Variants in AMZ2 observed in about 807,000 individuals in gnomAD.
AMZ2 encodes archaemetzincin-2.
AMZ2 carries 26 observed loss-of-function variants against 36.7 expected under a neutral mutation model. That is an observed-to-expected ratio of 0.71 (90% confidence interval 0.52 to 0.98). The LOEUF (loss-of-function observed/expected upper bound fraction) is 0.98, where lower values mean the gene tolerates loss of function less well. Ranked by LOEUF, AMZ2 falls within the 50% of genes least tolerant of loss-of-function variation. The pLI is 0.00. For missense variants in AMZ2, 394 were observed against 430.5 expected, an observed-to-expected ratio of 0.92 and a Z score of 0.75; for synonymous variants, 144 against 149.1, an observed-to-expected ratio of 0.97 and a Z score of 0.25.
At position 68,250,203 on chromosome 17, in the gene AMZ2, C is replaced by T; in HGVS notation, c.16C>T (p.His6Tyr). Residue 6 changes from histidine to tyrosine, a missense_variant, in exon 2 of 7, where the codon CAC (histidine) becomes TAC (tyrosine). By Grantham distance (83) the His-to-Tyr change is moderately conservative. Transcript: ENST00000359904. MQIIR[H>Y]SEQTLKTALI... ...TTTTTGTTAGATGCAAATAATACGG[C>T]ACTCCGAACAGACACTAAAAACAGC... The T allele has an allele frequency of 6.2e-7, 1 of 1,612,714 alleles. No individual in the cohort carries two copies. The highest frequency in any genetic ancestry group is 1.1e-5 in the South Asian group (1 of 90,920).
At chr17:68,216,749 G>T (rs2073203940) in intron 1 of AMZ2, among the ~76,000 whole-genome samples, 3 of 152,130 alleles carry the variant, frequency 2.0e-5, no homozygotes, top group Non-Finnish European at 4.4e-5. Context: ...GAAATCTTTA[G>T]GCCGGGCACG....
At chr17:68,236,677 T>G (rs1364145944) in intron 1 of AMZ2, among the ~76,000 whole-genome samples, 2 of 151,314 alleles carry the variant, frequency 1.3e-5, no homozygotes, top group African/African-American at 4.9e-5. Context: ...GCTCAGGTGA[T>G]TCTCCTGCCT....
intron 1 of AMZ2, among the ~76,000 whole-genome samples, chr17:68,232,473 G>C (rs1375245199): frequency 6.8e-6 from 1 of 147,422 alleles, no homozygotes; most frequent in Non-Finnish European, 1.5e-5. Flanking sequence ...TCGAGCCTGG[G>C]TGACAGAACA....
chr17:68,218,931 T>G (rs1555727911), intron 1 of AMZ2, among the ~76,000 whole-genome samples: 1 of 152,226 alleles, frequency 6.6e-6, no homozygotes, highest in Non-Finnish European at 1.5e-5. Flanking sequence ...TCATCTCGAT[T>G]AGACTAGTCG....
At chr17:68,208,002 CCAG>C (rs1463795330) in intron 1 of AMZ2, among the ~76,000 whole-genome samples, 71 of 152,284 alleles carry the variant, frequency 4.7e-4, no homozygotes, top group Non-Finnish European at 6.2e-4. Flanking sequence ...AGCACCTGGG[CCAG>C]CAGCTGCTGT....
In AMZ2 at chr17:68,231,749, C is replaced by G. The variant is rs569466462; in HGVS notation, c.-66-16891C>G. The stretch of plus-strand genomic sequence containing the variant: ...TAGGTTACATGAGCAATCATGAGGT[C>G]ACCACCACCTCCACCAATTTGGAAA... On this transcript the variant is annotated intron_variant, in intron 1 of 7. Transcript: ENST00000674770. Among the ~76,000 whole-genome samples, 18 of 152,272 alleles carry G rather than the reference C, an allele frequency of 1.2e-4. No homozygotes were observed. The East Asian group carries it at 3.1e-3, about 26-fold the overall frequency.
chr17:68,219,543 A>G (rs2073291955), intron 1 of AMZ2, among the ~76,000 whole-genome samples: 2 of 150,944 alleles, frequency 1.3e-5, no homozygotes, highest in Non-Finnish European at 3.0e-5. Context: ...TATTACTATT[A>G]TTTATTGAGA....
chr17:68,231,833 A>G (rs2089231234), intron 1 of AMZ2, among the ~76,000 whole-genome samples: 1 of 152,216 alleles, frequency 6.6e-6, no homozygotes, highest in South Asian at 2.1e-4. Flanking sequence ...ATAAAAATAC[A>G]GGGTGCTTAG....
chr17:68,245,514 A>G (rs1410471396), upstream of AMZ2, among the ~76,000 whole-genome samples: 1 of 151,780 alleles, frequency 6.6e-6, no homozygotes, highest in Non-Finnish European at 1.5e-5. Context: ...TCAGCCTCCC[A>G]AAGTGCTGGG....
At chr17:68,246,217 AATT>A (rs1555735365), upstream of AMZ2, among the ~76,000 whole-genome samples, 3 of 148,900 alleles carry the variant, frequency 2.0e-5, no homozygotes, top group Non-Finnish European at 3.0e-5. Flanking sequence ...AAAAAAAAAA[AATT>A]AGCCGGGCGT....
At chr17:68,219,173 G>A (rs1229366364) in intron 1 of AMZ2, among the ~76,000 whole-genome samples, 3 of 152,056 alleles carry the variant, frequency 2.0e-5, no homozygotes, top group African/African-American at 7.2e-5. Flanking sequence ...CACCATGTTG[G>A]CCAGGCTGGT....
upstream of AMZ2, chr17:68,248,027 GGGCGT>G (rs1178564541): frequency 1.0e-6 from 1 of 986,510 alleles, no homozygotes; most frequent in East Asian, 1.1e-4. Flanking sequence ...TGGCGCCAGT[GGGCGT>G]GGCGTGGCGC....
intron 1 of AMZ2, among the ~76,000 whole-genome samples, chr17:68,217,831 G>A (rs6501242): frequency 0.44 from 45,784 of 104,856 alleles, 7,197 homozygotes; most frequent in African/African-American, 0.47. Context: ...TTTTTTTTTT[G>A]AGATGGAGGC....
intron 1 of AMZ2, among the ~76,000 whole-genome samples, chr17:68,229,527 T>C (rs2073607763): frequency 6.6e-6 from 1 of 152,208 alleles, no homozygotes; most frequent in African/African-American, 2.4e-5. Flanking sequence ...GAGATTTTAT[T>C]ACCTATGGCT....
intron 1 of AMZ2, among the ~76,000 whole-genome samples, chr17:68,225,504 G>T (rs1349998422): frequency 6.6e-6 from 1 of 152,112 alleles, no homozygotes; most frequent in Non-Finnish European, 1.5e-5. Flanking sequence ...TGTGTATTTT[G>T]ATTTTTAATT....
chr17:68,248,042 C>G (rs1301196453), upstream of AMZ2: 1 of 986,462 alleles, frequency 1.0e-6, no homozygotes, highest in Non-Finnish European at 1.2e-6. Flanking sequence ...TGGCGTGGCG[C>G]AGTGCGAAGG....
At chr17:68,247,807 G>A (rs1555736315), upstream of AMZ2, 7 of 985,462 alleles carry the variant, frequency 7.1e-6, no homozygotes, top group East Asian at 1.1e-4. Flanking sequence ...GCGCAAGCGA[G>A]GAATCGGCGA....
At chr17:68,211,454 G>C (rs2144481040) in intron 1 of AMZ2, among the ~76,000 whole-genome samples, 1 of 149,574 alleles carries the variant, frequency 6.7e-6, no homozygotes, top group South Asian at 2.1e-4. Flanking sequence ...AGTGAGCCAA[G>C]ATTACACCAC....
At chr17:68,251,817 C>T (rs1568379802) in intron 4 of AMZ2, among the ~76,000 whole-genome samples, 1 of 152,182 alleles carries the variant, frequency 6.6e-6, no homozygotes, top group East Asian at 1.9e-4. Flanking sequence ...TTTTTCAATT[C>T]TTTTCATAGT....
Sources: gnomAD v4.1 joint callset for allele counts (sites outside exome capture counted in the v4.1 genomes callset) on GRCh38, gnomAD v4.1.1 for gene constraint, MANE v1.5 for transcripts, NCBI Gene and HGNC (gene_info 2026-07-23, HGNC 2026-07-21) for gene names.